The following CTNNA2 variants were observed in gnomAD, a reference collection of about 807,000 sequenced individuals.
CTNNA2 encodes catenin alpha 2, also known as catenin alpha-2.
In CTNNA2, 42 loss-of-function variants were observed where a neutral mutation model predicts 101.0. The observed-to-expected ratio is 0.42, with a 90% confidence interval of 0.32 to 0.54. The LOEUF (loss-of-function observed/expected upper bound fraction) is 0.54, where lower values mean the gene tolerates loss of function less well. Among genes scored for constraint, CTNNA2 ranks in the 20% least tolerant of loss-of-function variants. The pLI is 0.14. For missense variants in CTNNA2, 871 were observed against 1,223.1 expected, an observed-to-expected ratio of 0.71 and a Z score of 4.29; for synonymous variants, 450 against 456.4, an observed-to-expected ratio of 0.99 and a Z score of 0.18.
chr2:80,209,202 A>G (rs1484933016), intron 7 of CTNNA2, among the ~76,000 whole-genome samples: 1 of 145,104 alleles, frequency 6.9e-6, no homozygotes, highest in Non-Finnish European at 1.5e-5. Context: ...TTTTTTTTTA[A>G]TTCTTTTTTT....
intron 7 of CTNNA2, among the ~76,000 whole-genome samples, chr2:80,207,409 A>G (rs1707599809): frequency 6.6e-6 from 1 of 152,212 alleles, no homozygotes; most frequent in African/African-American, 2.4e-5. Flanking sequence ...ATGTACTTTA[A>G]AGATCCAACT....
At chr2:79,962,460 A>C (rs1689710570) in intron 7 of CTNNA2, among the ~76,000 whole-genome samples, 1 of 152,258 alleles carries the variant, frequency 6.6e-6, no homozygotes, top group South Asian at 2.1e-4. Context: ...GAACATTCAG[A>C]CCATAGCAGG....
At chr2:80,607,600 A>G (rs916535122) in intron 16 of CTNNA2, among the ~76,000 whole-genome samples, 1 of 151,928 alleles carries the variant, frequency 6.6e-6, no homozygotes, top group Non-Finnish European at 1.5e-5. Context: ...TACAGTAGTC[A>G]TGAACCATTT....
At chr2:79,693,669 G>A (rs1294202955) in intron 2 of CTNNA2, among the ~76,000 whole-genome samples, 1 of 151,964 alleles carries the variant, frequency 6.6e-6, no homozygotes, top group Non-Finnish European at 1.5e-5. Flanking sequence ...ACTTGATCAA[G>A]ATGGAAGTTC....
intron 7 of CTNNA2, among the ~76,000 whole-genome samples, chr2:80,281,357 G>A (rs911224878): frequency 6.6e-6 from 1 of 152,112 alleles, no homozygotes; most frequent in Non-Finnish European, 1.5e-5. Flanking sequence ...CAGCTTCTGA[G>A]GGTTTAATCT....
At chr2:79,644,508 C>T (rs1483477064) in intron 1 of CTNNA2, among the ~76,000 whole-genome samples, 1 of 152,194 alleles carries the variant, frequency 6.6e-6, no homozygotes, top group East Asian at 1.9e-4. Context: ...GGGCTGAGGT[C>T]ACTGGGCCAA....
At chr2:79,798,068 A>G (rs1238536441) in intron 3 of CTNNA2, among the ~76,000 whole-genome samples, 1 of 152,124 alleles carries the variant, frequency 6.6e-6, no homozygotes, top group Non-Finnish European at 1.5e-5. Flanking sequence ...GACCTGCAGC[A>G]TTCTCTGGGA....
chr2:80,032,460 GATCA>G (rs1695353009), intron 7 of CTNNA2, among the ~76,000 whole-genome samples: 2 of 152,084 alleles, frequency 1.3e-5, no homozygotes, highest in Admixed American at 6.6e-5. Context: ...AAATTTCTAT[GATCA>G]ATCATCATCA....
intron 4 of CTNNA2, among the ~76,000 whole-genome samples, chr2:79,488,113 G>A (rs1249331436): frequency 6.6e-6 from 1 of 152,018 alleles, no homozygotes; most frequent in Non-Finnish European, 1.5e-5. Flanking sequence ...GAGGTTGGGA[G>A]TTCGAGACCA....
intron 3 of CTNNA2, among the ~76,000 whole-genome samples, chr2:79,829,414 C>G (rs182273606): frequency 0.026 from 3,167 of 120,604 alleles, 88 homozygotes; most frequent in East Asian, 0.17. Context: ...CACACACACA[C>G]AGACACAAAG....
At chr2:79,651,822 A>G (rs988543077) in intron 2 of CTNNA2, among the ~76,000 whole-genome samples, 164 bp downstream of exon 2, 3 of 152,342 alleles carry the variant, frequency 2.0e-5, no homozygotes, top group East Asian at 1.9e-4. Flanking sequence ...TCATTGCCCT[A>G]TAACATTTGA....
intron 3 of CTNNA2, among the ~76,000 whole-genome samples, chr2:79,801,813 GA>G (rs1186205749): frequency 6.6e-6 from 1 of 151,902 alleles, no homozygotes; most frequent in Non-Finnish European, 1.5e-5. Context: ...CCAACATGGG[GA>G]AACCCCTTCT....
At chr2:79,250,248 GT>G (rs1674753028) in intron 2 of CTNNA2, among the ~76,000 whole-genome samples, 1 of 25,144 alleles carries the variant, frequency 4.0e-5, no homozygotes, top group Admixed American at 4.7e-4. Flanking sequence ...CATTTCTATT[GT>G]TCAACAAGAC....
chr2:80,518,828 T>G (rs1689300378), intron 9 of CTNNA2, among the ~76,000 whole-genome samples: 1 of 152,238 alleles, frequency 6.6e-6, no homozygotes, highest in Admixed American at 6.5e-5. Flanking sequence ...GCCCATTATT[T>G]GCCTTTTTGC....
At chr2:80,154,133 T>C (rs929578530) in intron 7 of CTNNA2, among the ~76,000 whole-genome samples, 1 of 152,254 alleles carries the variant, frequency 6.6e-6, no homozygotes, top group African/African-American at 2.4e-5. Flanking sequence ...TTTGCCATTA[T>C]AATTATTATT....
chr2:80,521,461 G>A (rs1165491596), intron 9 of CTNNA2, among the ~76,000 whole-genome samples: 1 of 152,174 alleles, frequency 6.6e-6, no homozygotes, highest in Non-Finnish European at 1.5e-5. Context: ...GGGGAATTAA[G>A]GTTGCAAATG....
chr2:79,954,442 T>C (rs1689087943), intron 7 of CTNNA2, among the ~76,000 whole-genome samples: 1 of 152,222 alleles, frequency 6.6e-6, no homozygotes, highest in Non-Finnish European at 1.5e-5. Context: ...TTTCACTCCT[T>C]GTCTCTTTCT....
chr2:80,391,437 C>G (rs1035601163), intron 7 of CTNNA2, among the ~76,000 whole-genome samples: 26 of 152,144 alleles, frequency 1.7e-4, no homozygotes, highest in African/African-American at 6.3e-4. Context: ...GTAATCGATC[C>G]TCCATCTGTT....
At chr2:79,531,680 T>C (rs1672752599) in intron 1 of CTNNA2, among the ~76,000 whole-genome samples, 1 of 151,634 alleles carries the variant, frequency 6.6e-6, no homozygotes, top group Non-Finnish European at 1.5e-5. Context: ...ATTATGTTAG[T>C]AAATTTTTTT....
Sources: gnomAD v4.1 joint callset for allele counts (sites outside exome capture counted in the v4.1 genomes callset) on GRCh38, gnomAD v4.1.1 for gene constraint, MANE v1.5 for transcripts, NCBI Gene and HGNC (gene_info 2026-07-23, HGNC 2026-07-21) for gene names.